CACNA1C: variants seen among roughly 807,000 people sequenced by gnomAD.
CACNA1C encodes calcium voltage-gated channel subunit alpha1 C.
Under a neutral mutation model 229.0 loss-of-function variants are expected in CACNA1C, and 30 were observed. The ratio of observed to expected loss-of-function variants is 0.13; its 90% CI spans 0.10 to 0.18. The LOEUF (loss-of-function observed/expected upper bound fraction) is 0.18, where lower values mean the gene tolerates loss of function less well. Ranked by LOEUF, CACNA1C falls within the 10% of genes least tolerant of loss-of-function variation. The pLI, the probability that CACNA1C is intolerant of heterozygous loss-of-function variation, is 1.00. For synonymous variants in CACNA1C, 1,114 were observed against 1,132.5 expected, an observed-to-expected ratio of 0.98 and a Z score of 0.33; for missense variants, 1,658 against 2,845.0, an observed-to-expected ratio of 0.58 and a Z score of 9.49.
chr12:2,317,209 C>G (rs1210355457), intron 3 of CACNA1C, among the ~76,000 whole-genome samples: 2 of 152,176 alleles, frequency 1.3e-5, no homozygotes, highest in Non-Finnish European at 2.9e-5. Context: ...TATTCGCACA[C>G]CCATGTTCGT....
intron 3 of CACNA1C, among the ~76,000 whole-genome samples, chr12:2,361,401 A>T (rs1448511517): frequency 6.6e-6 from 1 of 152,196 alleles, no homozygotes; most frequent in Non-Finnish European, 1.5e-5. Context: ...ACGATGATAG[A>T]GATAAACTAA....
At chr12:2,584,003 T>G (rs1420379908) in intron 15 of CACNA1C, among the ~76,000 whole-genome samples, 1 of 152,208 alleles carries the variant, frequency 6.6e-6, no homozygotes, top group East Asian at 1.9e-4. Context: ...CTGTCTCCAC[T>G]GGGAACTCCC....
chr12:2,099,069 T>C (rs948962612), intron 1 of CACNA1C, among the ~76,000 whole-genome samples: 1 of 152,226 alleles, frequency 6.6e-6, no homozygotes, highest in African/African-American at 2.4e-5. Flanking sequence ...TGAGGTTATG[T>C]GCATGGTGCA....
rs1365114770 is a variant in CACNA1C, at chr12:2,647,467, G to C, written c.3913-1008G>C. On this transcript the variant is annotated intron_variant, in intron 30 of 46. Transcript: ENST00000399655. This position sits in a 1 kb window ranked among gnomAD's most constrained non-coding sequence, Gnocchi z 4.2. ...TCCTGGGGTGTTAGTGTCCTAAATT[G>C]TGTGCAGGGCTTTCAAGTTTAGAAA... Among the ~76,000 whole-genome samples the C allele has an allele frequency of 6.6e-6, 1 of 152,220 alleles. No homozygotes were observed. The highest frequency in any genetic ancestry group is 1.5e-5 in the Non-Finnish European group (1 of 68,046).
In CACNA1C at chr12:2,697,296, G is replaced by A. The variant is rs549641422; in HGVS notation, c.*6097G>A. On this transcript the variant is annotated 3_prime_UTR_variant, in exon 47 of 47. Coordinates refer to ENST00000399655, the MANE Select transcript of CACNA1C (RefSeq NM_000719.7). ...TGGGAGTGAGGCCATGGGAAACAGA[G>A]ATGAGCATGTCTGGACAAGTCTGTG... 1.8e-4 allele frequency: 27 copies of A among 152,322 alleles called. No homozygotes were observed. Among genetic ancestry groups the A allele is most frequent in the African/African-American group, 6.3e-4 (26 of 41,562 alleles). The allele number at this position is 152,322 out of a possible 1,614,324, so 9.4% of individuals were successfully genotyped here. A position where few individuals can be genotyped will look rare whatever the true frequency, so the allele number is the denominator to read the frequency against.
chr12:2,153,088 C>T lies in CACNA1C; in HGVS notation c.477+32658C>T, dbSNP rs548646049. Among the ~76,000 whole-genome samples the T allele has an allele frequency of 5.3e-5, 8 of 152,310 alleles. No individual in the cohort carries two copies. The East Asian group carries it at 1.2e-3, about 22-fold the overall frequency. On this transcript the variant is annotated intron_variant, in intron 3 of 46. Coordinates refer to ENST00000399655, the MANE Select transcript of CACNA1C (RefSeq NM_000719.7). ...AGAGTGAAGGGCTAGGAGATAGACTCATTTCGGATCTAACTTTAATAATCA... is the reference window on the plus strand; with the variant it reads ...AGAGTGAAGGGCTAGGAGATAGACTTATTTCGGATCTAACTTTAATAATCA...
chr12:2,138,068 C>A lies in CACNA1C; in HGVS notation c.477+17638C>A, dbSNP rs2093734071. On this transcript the variant is annotated intron_variant, in intron 3 of 46. Coordinates refer to ENST00000399655, the MANE Select transcript of CACNA1C (RefSeq NM_000719.7). ...GTGCTGTCCTGTGACTTGCAAACCC[C>A]TTCCTCAAATGCATAGCAGAAATAG... Among the ~76,000 whole-genome samples, 3 of 151,566 alleles carry A rather than the reference C, an allele frequency of 2.0e-5. No individual in the cohort carries two copies. In the Admixed American group the frequency reaches 2.0e-4, roughly 10 times the overall value.
intron 3 of CACNA1C, among the ~76,000 whole-genome samples, chr12:2,308,953 A>G (rs1035777813): frequency 7.2e-5 from 11 of 152,192 alleles, no homozygotes; most frequent in African/African-American, 2.4e-4. Flanking sequence ...AAAAATGAAA[A>G]TAGAACTAAC....
chr12:1,991,421 C>T, intron 1 of CACNA1C: 1 of 208,494 alleles, frequency 4.8e-6, no homozygotes, highest in Non-Finnish European at 1.0e-5. Flanking sequence ...TGAGCCACAT[C>T]TGTTATTTTA....
At chr12:2,164,107 C>T (rs1030956671) in intron 3 of CACNA1C, among the ~76,000 whole-genome samples, 4 of 152,320 alleles carry the variant, frequency 2.6e-5, no homozygotes, top group African/African-American at 7.2e-5. Context: ...GCTCCTTTCA[C>T]GGAGTCTCCA....
At chr12:2,022,631 A>T (rs1255258001) in intron 1 of CACNA1C, among the ~76,000 whole-genome samples, 1 of 150,746 alleles carries the variant, frequency 6.6e-6, no homozygotes, top group Non-Finnish European at 1.5e-5. Context: ...TTTTGTAGAG[A>T]AGGGGGTCTC....
chr12:2,088,977 C>T (rs964951504), intron 1 of CACNA1C, among the ~76,000 whole-genome samples: 5 of 152,136 alleles, frequency 3.3e-5, no homozygotes, highest in Admixed American at 2.0e-4. Context: ...GGGCTGTGCG[C>T]GCAGACCTAT....
At chr12:2,109,541 G>A (rs903568753) in intron 1 of CACNA1C, among the ~76,000 whole-genome samples, 2 of 152,214 alleles carry the variant, frequency 1.3e-5, no homozygotes, top group African/African-American at 4.8e-5. Flanking sequence ...GGAGTGAGGT[G>A]AACTCAGAGA....
intron 1 of CACNA1C, among the ~76,000 whole-genome samples, chr12:2,058,948 C>G (rs11830981): frequency 0.01 from 1,537 of 151,822 alleles, 31 homozygotes; most frequent in African/African-American, 0.035. Flanking sequence ...TGTGTAGACA[C>G]GGGCCTGGAG....
At chr12:2,446,146 TGTATA>T (rs903000327) in intron 3 of CACNA1C, among the ~76,000 whole-genome samples, 2 of 151,112 alleles carry the variant, frequency 1.3e-5, no homozygotes, top group African/African-American at 4.9e-5. Flanking sequence ...GATGGATAAA[TGTATA>T]GGTAGGTAGG....
At chr12:2,393,047 C>T (rs112653186) in intron 3 of CACNA1C, among the ~76,000 whole-genome samples, 2 of 152,148 alleles carry the variant, frequency 1.3e-5, no homozygotes, top group South Asian at 4.1e-4. Flanking sequence ...TGTACAAACA[C>T]ATGCCCCTCA....
intron 3 of CACNA1C, among the ~76,000 whole-genome samples, chr12:2,221,093 C>T (rs747256539): frequency 3.9e-5 from 6 of 152,030 alleles, no homozygotes; most frequent in Non-Finnish European, 5.9e-5. Context: ...AAGAGCCTTC[C>T]GGGGGATGGC....
intron 3 of CACNA1C, among the ~76,000 whole-genome samples, chr12:2,267,755 G>A (rs2082946044): frequency 6.6e-6 from 1 of 152,210 alleles, no homozygotes; most frequent in South Asian, 2.1e-4. Context: ...TCTGAGCAGG[G>A]GGGTTGGAAT....
intron 3 of CACNA1C, among the ~76,000 whole-genome samples, chr12:2,334,483 G>A (rs1389593960): frequency 6.6e-6 from 1 of 152,110 alleles, no homozygotes; most frequent in Non-Finnish European, 1.5e-5. Flanking sequence ...GGCGAAGTGG[G>A]CTTGGATGTC....
Sources: gnomAD v4.1 joint callset for allele counts (sites outside exome capture counted in the v4.1 genomes callset) on GRCh38, gnomAD v4.1.1 for gene constraint, Gnocchi (gnomAD v3.1) non-coding constraint, MANE v1.5 for transcripts, NCBI Gene and HGNC (gene_info 2026-07-23, HGNC 2026-07-21) for gene names.